The following PHF24 variants were observed in gnomAD, a reference collection of about 807,000 sequenced individuals.
The protein encoded by PHF24 is Galpha inhibitory interacting protein.
A neutral mutation model predicts 42.6 loss-of-function variants in PHF24; 25 were observed. The observed-to-expected ratio is 0.59, with a 90% CI of 0.43 to 0.82. The LOEUF (loss-of-function observed/expected upper bound fraction) is 0.82. Ranked by LOEUF, PHF24 falls within the 40% of genes least tolerant of loss-of-function variation. The pLI, the probability that PHF24 is intolerant of heterozygous loss-of-function variation, is 0.00. For synonymous variants in PHF24, 185 were observed against 204.8 expected (o/e 0.90, Z 0.83); for missense variants, 470 against 538.1 (o/e 0.87, Z 1.25).
At chr9:34,833,291 T>G in the PHF24 span, 2 of 1,551,368 alleles carry the variant, frequency 1.3e-6, no homozygotes, top group Non-Finnish European at 1.7e-6. Context: ...CATGTGGGCC[T>G]CTGTCATGTC....
chr9:34,834,056 T>C, the PHF24 span: 1 of 1,548,732 alleles, frequency 6.5e-7, no homozygotes, highest in Non-Finnish European at 8.7e-7. Flanking sequence ...TGGTAAGGCC[T>C]GTTGCTGCTG....
the PHF24 span, among the ~76,000 whole-genome samples, chr9:34,861,639 C>T: frequency 2.0e-4 from 31 of 152,150 alleles, no homozygotes; most frequent in South Asian, 6.2e-3. Flanking sequence ...GTATATAACC[C>T]ATTAAATAAA....
the PHF24 span, among the ~76,000 whole-genome samples, chr9:34,753,264 C>A: frequency 4.5e-3 from 688 of 152,112 alleles, 5 homozygotes; most frequent in Non-Finnish European, 6.7e-3. Context: ...CTAGAAACTT[C>A]ACCAAAAAAC....
At chr9:34,768,082 C>G in the PHF24 span, among the ~76,000 whole-genome samples, 1 of 152,216 alleles carries the variant, frequency 6.6e-6, no homozygotes, top group Non-Finnish European at 1.5e-5. Flanking sequence ...TGAATGGTGA[C>G]AGACATATTG....
At chr9:34,847,283 T>G in the PHF24 span, among the ~76,000 whole-genome samples, 4 of 152,194 alleles carry the variant, frequency 2.6e-5, no homozygotes, top group Non-Finnish European at 4.4e-5. Flanking sequence ...CGTTGAGCAG[T>G]GGTTTGTAGT....
the PHF24 span, among the ~76,000 whole-genome samples, chr9:34,695,623 G>GATGCT: frequency 2.3e-4 from 35 of 152,168 alleles, no homozygotes; most frequent in African/African-American, 8.2e-4. Context: ...TGTGGGATCT[G>GATGCT]ATGCTACCTC....
chr9:34,812,470 G>T, the PHF24 span, among the ~76,000 whole-genome samples: 1 of 152,140 alleles, frequency 6.6e-6, no homozygotes, highest in Non-Finnish European at 1.5e-5. Flanking sequence ...ATGAAATGTG[G>T]TATGGAAACC....
the PHF24 span, among the ~76,000 whole-genome samples, chr9:34,934,107 G>A: frequency 2.3e-4 from 35 of 152,262 alleles, 1 homozygote; most frequent in Non-Finnish European, 3.8e-4. Context: ...TATTGAGTAA[G>A]ACAATGTCCA....
At chr9:34,837,062 T>C in the PHF24 span, 5 of 471,226 alleles carry the variant, frequency 1.1e-5, no homozygotes, top group African/African-American at 4.0e-5. Context: ...CAGCAATAGA[T>C]CACCTTTTCA....
the PHF24 span, among the ~76,000 whole-genome samples, chr9:34,941,766 T>C: frequency 6.6e-6 from 1 of 152,148 alleles, no homozygotes; most frequent in South Asian, 2.1e-4. Flanking sequence ...ACAAGCTCCC[T>C]TGGGCCCCTT....
At chr9:34,834,141 A>T in the PHF24 span, 1 of 1,532,962 alleles carries the variant, frequency 6.5e-7, no homozygotes, top group Non-Finnish European at 8.8e-7. Context: ...AGTACCAGGA[A>T]CTGGCTTTCT....
upstream of PHF24, among the ~76,000 whole-genome samples, chr9:34,956,629 A>G (rs896026032): frequency 2.6e-5 from 4 of 152,256 alleles, no homozygotes; most frequent in African/African-American, 9.6e-5. Flanking sequence ...CTCCTTTTCC[A>G]TATAAGCCCA....
At chr9:34,914,837 G>A in the PHF24 span, among the ~76,000 whole-genome samples, 3 of 151,608 alleles carry the variant, frequency 2.0e-5, no homozygotes, top group Admixed American at 6.6e-5. Context: ...CTAGGCTGAA[G>A]TGCAGTGGTG....
At chr9:34,896,853 G>C in the PHF24 span, among the ~76,000 whole-genome samples, 1 of 151,996 alleles carries the variant, frequency 6.6e-6, no homozygotes, top group Non-Finnish European at 1.5e-5. Flanking sequence ...GTTGGTCTTA[G>C]GCTCAAAATC....
the PHF24 span, among the ~76,000 whole-genome samples, chr9:34,814,029 A>G: frequency 6.6e-6 from 1 of 152,206 alleles, no homozygotes; most frequent in Admixed American, 6.5e-5. Context: ...AACCCTTCTC[A>G]AGTTACCACA....
At chr9:34,772,459 G>T in the PHF24 span, among the ~76,000 whole-genome samples, 1 of 152,058 alleles carries the variant, frequency 6.6e-6, no homozygotes, top group Admixed American at 6.5e-5. Context: ...AGAGAGGAAG[G>T]TCGGACAAAA....
chr9:34,880,893 A>G, the PHF24 span, among the ~76,000 whole-genome samples: 8 of 152,216 alleles, frequency 5.3e-5, no homozygotes, highest in Admixed American at 5.2e-4. Context: ...CCCCAAATCA[A>G]CAGAATGTAC....
chr9:34,767,804 G>A, the PHF24 span, among the ~76,000 whole-genome samples: 1 of 152,236 alleles, frequency 6.6e-6, no homozygotes, highest in Admixed American at 6.5e-5. Context: ...CGTCGCTCAC[G>A]CTGGGAGCTG....
At chr9:34,913,697 A>G in the PHF24 span, among the ~76,000 whole-genome samples, 1 of 152,164 alleles carries the variant, frequency 6.6e-6, no homozygotes. Context: ...TTGCGGTAGA[A>G]AAGACTCCTC....
Sources: allele counts gnomAD v4.1 joint callset (sites outside exome capture counted in the v4.1 genomes callset), GRCh38; gene constraint gnomAD v4.1.1; transcripts MANE v1.5; gene names NCBI Gene and HGNC (gene_info 2026-07-23, HGNC 2026-07-21).